Variants in C13orf46 observed in about 807,000 individuals in gnomAD.
The protein encoded by C13orf46 is uncharacterized protein C13orf46.
intron 6 of C13orf46, among the ~76,000 whole-genome samples, chr13:113,958,630 G>C (rs956546262): frequency 6.6e-6 from 1 of 152,236 alleles, no homozygotes; most frequent in Non-Finnish European, 1.5e-5. Flanking sequence ...GAAACACGGC[G>C]TGGGGCAATG....
At chr13:113,940,319 T>G in the C13orf46 span, among the ~76,000 whole-genome samples, 14 of 152,376 alleles carry the variant, frequency 9.2e-5, no homozygotes, top group South Asian at 1.9e-3. Flanking sequence ...TGAGCCAGCC[T>G]GCAGCACACA....
the C13orf46 span, among the ~76,000 whole-genome samples, chr13:113,930,682 C>A: frequency 6.2e-4 from 94 of 152,380 alleles, no homozygotes; most frequent in African/African-American, 2.2e-3. Context: ...ATCCAGACCA[C>A]ACTCCCATTC....
At chr13:113,937,376 C>T in the C13orf46 span, among the ~76,000 whole-genome samples, 46 of 152,294 alleles carry the variant, frequency 3.0e-4, no homozygotes, top group Non-Finnish European at 5.9e-4. Flanking sequence ...AGAAGGCAGC[C>T]GTAAACCCGC....
chr13:113,966,392 G>T (rs1309788641), intron 5 of C13orf46, among the ~76,000 whole-genome samples: 1 of 147,406 alleles, frequency 6.8e-6, no homozygotes, highest in Non-Finnish European at 1.5e-5. Flanking sequence ...GATGGTGATG[G>T]TATTAATGAT....
At chr13:113,962,535 G>C (rs1322891612) in intron 6 of C13orf46, among the ~76,000 whole-genome samples, 4 of 152,254 alleles carry the variant, frequency 2.6e-5, no homozygotes, top group African/African-American at 7.2e-5. Context: ...GAACCTCCCG[G>C]TATTGGGAAA....
the C13orf46 span, among the ~76,000 whole-genome samples, chr13:113,947,900 A>G: frequency 6.6e-6 from 1 of 152,244 alleles, no homozygotes; most frequent in African/African-American, 2.4e-5. Flanking sequence ...ATTGGGGGTC[A>G]GCAGTGCTTT....
At chr13:113,948,975 G>A (rs1286747918), downstream of C13orf46, among the ~76,000 whole-genome samples, 5 of 152,246 alleles carry the variant, frequency 3.3e-5, no homozygotes, top group African/African-American at 1.2e-4. Flanking sequence ...GTAGCTTTAG[G>A]GTGGGAGCTT....
At chr13:113,935,542 A>C in the C13orf46 span, among the ~76,000 whole-genome samples, 1 of 152,228 alleles carries the variant, frequency 6.6e-6, no homozygotes, top group Non-Finnish European at 1.5e-5. Context: ...GTCCTCTTAA[A>C]TATCTCCCAG....
intron 6 of C13orf46, among the ~76,000 whole-genome samples, chr13:113,964,134 G>A (rs1191745093): frequency 1.3e-5 from 2 of 150,720 alleles, no homozygotes; most frequent in Non-Finnish European, 2.9e-5. Context: ...CAGGCTGAAA[G>A]AAGGTTTAGT....
chr13:113,930,705 C>T, the C13orf46 span, among the ~76,000 whole-genome samples: 27 of 152,338 alleles, frequency 1.8e-4, no homozygotes, highest in South Asian at 1.9e-3. Context: ...CCCCTGGCCA[C>T]GGAAGCTGAA....
chr13:113,972,680 G>A (rs868288310), intron 1 of C13orf46, among the ~76,000 whole-genome samples: 6 of 152,324 alleles, frequency 3.9e-5, no homozygotes, highest in African/African-American at 4.8e-5. Context: ...CAGCCTACAC[G>A]TTTCGCGGTT....
At chr13:113,967,580 G>C (rs1289210084) in intron 4 of C13orf46, among the ~76,000 whole-genome samples, 192 bp from the exon 5 acceptor site, 1 of 152,162 alleles carries the variant, frequency 6.6e-6, no homozygotes. Flanking sequence ...GCTGACGGCA[G>C]TATGGACTGT....
chr13:113,942,939 C>T, the C13orf46 span, among the ~76,000 whole-genome samples: 4 of 152,236 alleles, frequency 2.6e-5, no homozygotes, highest in Non-Finnish European at 5.9e-5. Flanking sequence ...CTCACGAGCA[C>T]TGCAGATGGC....
At chr13:113,926,872 G>C in the C13orf46 span, 1 of 152,322 alleles carries the variant, frequency 6.6e-6, no homozygotes, top group African/African-American at 2.4e-5. Flanking sequence ...TACCTCCCAC[G>C]TCCCTTTCCA....
At chr13:113,933,773 C>T in the C13orf46 span, among the ~76,000 whole-genome samples, 2 of 152,146 alleles carry the variant, frequency 1.3e-5, no homozygotes, top group Non-Finnish European at 2.9e-5. Flanking sequence ...CAAAAAGTTG[C>T]CGAATAGTAC....
the C13orf46 span, among the ~76,000 whole-genome samples, chr13:113,945,043 G>A: frequency 1.4e-5 from 2 of 146,754 alleles, no homozygotes; most frequent in Non-Finnish European, 3.0e-5. Flanking sequence ...GGTGTGACAA[G>A]TCCTCCAGGT....
At chr13:113,963,570 C>CGCCCCTGTCCTCAGCCTCG (rs1186982019) in intron 6 of C13orf46, among the ~76,000 whole-genome samples, 9 of 143,830 alleles carry the variant, frequency 6.3e-5, no homozygotes, top group African/African-American at 2.3e-4. Flanking sequence ...TCCTCAGCCT[C>CGCCCCTGTCCTCAGCCTCG]GCCCCTGTCC....
rs991387851 is a variant in C13orf46 at position 113,955,060 on chromosome 13, C to T, written c.*1713G>A. ...GGATCTGGCGGAGAGGAGGAGCATC[C>T]GGCGGGGATGAGGAGCATCCAGTGG... On this transcript the variant is annotated 3_prime_UTR_variant, in exon 7 of 7. Coordinates refer to ENST00000636427, the MANE Select transcript of C13orf46 (RefSeq NM_001365455.2). 245 of 156,478 alleles carry T rather than the reference C, an allele frequency of 1.6e-3. 3 individuals are homozygous for T. The highest frequency in any genetic ancestry group is 7.3e-3 in the African/African-American group (230 of 31,302). The allele number at this position is 156,478 out of a possible 1,614,324, so 9.7% of individuals were successfully genotyped here. A position where few individuals can be genotyped will look rare whatever the true frequency, so the allele number is the denominator to read the frequency against.
downstream of C13orf46, among the ~76,000 whole-genome samples, chr13:113,950,891 G>A (rs997972557): frequency 2.6e-5 from 4 of 152,212 alleles, no homozygotes; most frequent in Admixed American, 6.5e-5. Flanking sequence ...CCTGTCTCCC[G>A]GCAGAGCCAC....
Sources: gnomAD v4.1 joint callset for allele counts (sites outside exome capture counted in the v4.1 genomes callset) on GRCh38, gnomAD v4.1.1 for gene constraint, MANE v1.5 for transcripts, NCBI Gene and HGNC (gene_info 2026-07-23, HGNC 2026-07-21) for gene names.